Variants in NAV1 observed in about 807,000 individuals in gnomAD.
NAV1 encodes the protein neuron navigator 1, also known as pore membrane and/or filament interacting like protein 3.
Under a neutral mutation model 175.2 loss-of-function variants are expected in NAV1, and 18 were observed. The ratio of observed to expected loss-of-function variants is 0.10; its 90% CI spans 0.07 to 0.15. NAV1 has a LOEUF of 0.15. Ranked by LOEUF, NAV1 falls within the 10% of genes least tolerant of loss-of-function variation. The pLI is 1.00. For missense variants in NAV1, 1,731 were observed against 2,436.6 expected (o/e 0.71, Z 6.10); for synonymous variants, 897 against 978.7 (o/e 0.92, Z 1.56).
upstream of NAV1, among the ~76,000 whole-genome samples, chr1:201,643,370 TTC>T (rs1668871843): frequency 6.7e-6 from 1 of 149,766 alleles, no homozygotes; most frequent in African/African-American, 2.5e-5. Context: ...TCTTCTTTCT[TTC>T]TTTCTTTTTC....
At chr1:201,603,955 C>T (rs922823179) in intron 2 of NAV1, among the ~76,000 whole-genome samples, 3 of 152,176 alleles carry the variant, frequency 2.0e-5, no homozygotes, top group African/African-American at 4.8e-5. Flanking sequence ...CAAAAATAAC[C>T]GTGTGATTGA....
chr1:201,654,933 G>A (rs2493790), intron 1 of NAV1, among the ~76,000 whole-genome samples: 1 of 152,048 alleles, frequency 6.6e-6, no homozygotes, highest in Non-Finnish European at 1.5e-5. Context: ...TCTACCCGTG[G>A]GTCTGAATTT....
chr1:201,734,402 C>T (rs1328096663), intron 3 of NAV1, among the ~76,000 whole-genome samples: 1 of 146,530 alleles, frequency 6.8e-6, no homozygotes, highest in Non-Finnish European at 1.5e-5. Context: ...GAGCAAGACC[C>T]TGTCTCAAAA....
chr1:201,804,095 C>A, intron 16 of NAV1: 2 of 470,566 alleles, frequency 4.3e-6, no homozygotes, highest in Admixed American at 2.9e-5. Flanking sequence ...GCTGTTCATT[C>A]TAGACTCCTG....
rs1678757813 is a variant in NAV1 at position 201,812,535 on chromosome 1, G to T, written c.5095G>T (p.Val1699Leu). Residue 1699 changes from valine (V) to leucine (L), a missense_variant, in exon 27 of 30, where the codon GTA (valine) becomes TTA (leucine). Physicochemically the swap from Val to Leu is conservative, Grantham distance 32. This residue lies in a region of NAV1 where 115 missense variants were observed against 269.4 expected (regional missense o/e 0.43). Coordinates refer to ENST00000367296, the Ensembl canonical transcript of NAV1. The surrounding 1 kb of genome is among the most constrained non-coding windows in gnomAD (Gnocchi z 4.6). ...GGTTCGTTACCTGAGGAGGAAGCTG[G>T]TAGAGTCAGACAGCGACATCAATGC... 1 of 1,614,072 alleles carries T rather than the reference G, an allele frequency of 6.2e-7. No homozygotes were observed. The highest frequency in any genetic ancestry group is 8.5e-7 in the Non-Finnish European group (1 of 1,180,040).
intron 1 of NAV1, among the ~76,000 whole-genome samples, chr1:201,660,098 G>A (rs949146071): frequency 6.6e-6 from 1 of 152,174 alleles, no homozygotes; most frequent in African/African-American, 2.4e-5. Context: ...ATGTCCAGGG[G>A]TGGAGCATTT....
intron 3 of NAV1, among the ~76,000 whole-genome samples, chr1:201,745,626 T>C (rs999200927): frequency 6.6e-6 from 1 of 152,212 alleles, no homozygotes. Flanking sequence ...GTGCCTGTCC[T>C]AAGTCAGTCA....
At chr1:201,753,204 T>C (rs1190864430) in intron 3 of NAV1, among the ~76,000 whole-genome samples, 1 of 152,180 alleles carries the variant, frequency 6.6e-6, no homozygotes, top group East Asian at 1.9e-4. Flanking sequence ...ACGTAAATGC[T>C]TTTAAAATGG....
rs553291626 is a variant in NAV1, at chr1:201,750,817, A to C, written c.1227-29604A>C. 1.3e-5 allele frequency among the ~76,000 whole-genome samples: 2 copies of C among 151,996 alleles called. No individual in the cohort carries two copies. The highest frequency in any genetic ancestry group is 3.9e-4 in the East Asian group (2 of 5,126). On this transcript the variant is annotated intron_variant, in intron 3 of 29. Coordinates refer to ENST00000367296, the Ensembl canonical transcript of NAV1. This position sits in a 1 kb window ranked among gnomAD's most constrained non-coding sequence, Gnocchi z 4.1. Reference sequence around the variant, plus strand: ...GGAGGAGGCCTGGAGGGTGGGGTGAAGTTGTGAGGACCCCTTTTCTAAATT... The same window carrying C: ...GGAGGAGGCCTGGAGGGTGGGGTGACGTTGTGAGGACCCCTTTTCTAAATT...
rs1236404061 is a variant in NAV1, at chr1:201,780,421, C to T, written c.1227C>T (p.Gly409=). The T allele has an allele frequency of 9.3e-6, 15 of 1,614,074 alleles. No homozygotes were observed. In the South Asian group the frequency reaches 1.6e-4, roughly 18 times the overall value. Residue 409 remains glycine, a splice_region_variant and synonymous_variant, in exon 4 of 30, where the codon GGC becomes GGT. Coordinates refer to ENST00000367296, the Ensembl canonical transcript of NAV1. ...GACCTTCATCTCTCCTGTCCTGTAG[C>T]TGGGATGAAAGCAGCTCCATCAGTA...
intron 3 of NAV1, among the ~76,000 whole-genome samples, chr1:201,732,017 T>C (rs558033953): frequency 6.6e-6 from 1 of 152,338 alleles, no homozygotes; most frequent in East Asian, 1.9e-4. Context: ...TTGCTCCCTG[T>C]GTGAGGTTCC....
chr1:201,609,611 A>C (rs904147679), intron 2 of NAV1, among the ~76,000 whole-genome samples: 1 of 152,170 alleles, frequency 6.6e-6, no homozygotes, highest in Non-Finnish European at 1.5e-5. Flanking sequence ...AAATAATAAT[A>C]AAGCAAGTGT....
chr1:201,684,143 C>T (rs1357541951), intron 1 of NAV1, among the ~76,000 whole-genome samples: 1 of 152,142 alleles, frequency 6.6e-6, no homozygotes, highest in Admixed American at 6.6e-5. Context: ...TTCGGCCCTA[C>T]AAGATGCTCT....
chr1:201,783,289 G>T, intron 6 of NAV1, 117 bp from the exon 11 acceptor site: 1 of 1,037,024 alleles, frequency 9.6e-7, no homozygotes. Context: ...ATTAGGATAA[G>T]CCTCTGTGCT....
At chr1:201,648,757 C>A in exon 1 of NAV1, 1 of 1,402,392 alleles carries the variant, frequency 7.1e-7, no homozygotes, top group South Asian at 1.6e-5. Context: ...CCGCGGGGCG[C>A]CGGCAGGAAG....
chr1:201,681,232 C>T (rs1670450937), intron 1 of NAV1, among the ~76,000 whole-genome samples: 1 of 152,184 alleles, frequency 6.6e-6, no homozygotes, highest in Non-Finnish European at 1.5e-5. Flanking sequence ...CTTCTCCTTT[C>T]TCTTCCCTAC....
intron 1 of NAV1, among the ~76,000 whole-genome samples, chr1:201,549,101 TTC>T (rs796379367): frequency 6.8e-5 from 10 of 147,736 alleles, no homozygotes; most frequent in Admixed American, 4.1e-4. Context: ...CTTTCTTTCT[TTC>T]TTTCTTTCTT....
At chr1:201,653,506 G>A (rs1669285691) in intron 1 of NAV1, among the ~76,000 whole-genome samples, 1 of 152,096 alleles carries the variant, frequency 6.6e-6, no homozygotes, top group Non-Finnish European at 1.5e-5. Context: ...TTTTGGGGGG[G>A]AGGGGCAGTG....
exon 1 of NAV1, chr1:201,648,474 T>C (rs890110275): frequency 1.2e-5 from 15 of 1,232,422 alleles, no homozygotes; most frequent in Middle Eastern, 3.1e-4. Flanking sequence ...TCGCGTTTCT[T>C]TCCCCTGCGC....
Sources: gnomAD v4.1 joint callset for allele counts (sites outside exome capture counted in the v4.1 genomes callset) on GRCh38, gnomAD v4.1.1 for gene constraint, gnomAD v4.1.1 regional missense constraint, Gnocchi (gnomAD v3.1) non-coding constraint, MANE v1.5 for transcripts, NCBI Gene and HGNC (gene_info 2026-07-23, HGNC 2026-07-21) for gene names.